Variants in UNC13B observed in about 807,000 individuals in gnomAD.
UNC13B encodes the protein unc-13 homolog B.
In UNC13B, 144 loss-of-function variants were observed where a neutral mutation model predicts 211.0. The ratio of observed to expected loss-of-function variants is 0.68; its 90% CI spans 0.60 to 0.78. UNC13B has a LOEUF of 0.78. Among genes scored for constraint, UNC13B ranks in the 30% least tolerant of loss-of-function variants. UNC13B has a pLI of 0.00. For missense variants in UNC13B, 1,777 were observed against 2,002.0 expected (o/e 0.89, Z 2.14); for synonymous variants, 709 against 725.8 (o/e 0.98, Z 0.37).
chr9:35,228,147 T>C, intron 2 of UNC13B, 103 bp downstream of exon 2: 2 of 1,047,308 alleles, frequency 1.9e-6, no homozygotes, highest in Non-Finnish European at 2.8e-6. Flanking sequence ...GTAATTTGAT[T>C]CATTACTTCA....
chr9:35,356,377 C>CT (rs1240462887), intron 11 of UNC13B, among the ~76,000 whole-genome samples: 1 of 151,998 alleles, frequency 6.6e-6, no homozygotes, highest in African/African-American at 2.4e-5. Flanking sequence ...TAGTTTTCAT[C>CT]TTTTTTTTCT....
chr9:35,234,573 G>A (rs1825388510), intron 3 of UNC13B, among the ~76,000 whole-genome samples: 1 of 152,104 alleles, frequency 6.6e-6, no homozygotes, highest in Admixed American at 6.5e-5. Context: ...GTAACTTAGT[G>A]GCTAGGCTTA....
chr9:35,173,299 G>T (rs1332911385), intron 1 of UNC13B, among the ~76,000 whole-genome samples: 1 of 152,062 alleles, frequency 6.6e-6, no homozygotes. Context: ...GGAAAGGGGG[G>T]TAAATGATAG....
Position 35,304,524 on chromosome 9 carries a change from A to T in UNC13B, c.5120A>T (p.Glu1707Val). The T allele has an allele frequency of 2.5e-6, 1 of 398,766 alleles. No homozygotes were observed. The highest frequency in any genetic ancestry group is 4.4e-6 in the Non-Finnish European group (1 of 225,908). 24.7% of individuals were successfully genotyped at this position (398,766 alleles called of 1,614,324 possible). Residue 1707 changes from glutamate (E) to valine (V), a missense_variant, in exon 9 of 40, where the codon GAA becomes GTA. Coordinates refer to ENST00000635942, the MANE Select transcript of UNC13B (RefSeq NM_001371189.2). ...IERDKNQPLA[E>V]DSSVHLSSFH... Reference sequence around the variant, plus strand: ...AGAGATAAAAACCAGCCTCTAGCTGAAGATTCATCAGTTCACCTTTCCAGT... The same window carrying T: ...AGAGATAAAAACCAGCCTCTAGCTGTAGATTCATCAGTTCACCTTTCCAGT...
chr9:35,394,225 TTCCAC>T (rs1382617084), intron 26 of UNC13B, among the ~76,000 whole-genome samples: 1 of 152,216 alleles, frequency 6.6e-6, no homozygotes, highest in East Asian at 1.9e-4. Flanking sequence ...GTGTACTCTG[TTCCAC>T]TTCAGCTGGA....
At chr9:35,380,261 G>T (rs1834731154) in intron 17 of UNC13B, among the ~76,000 whole-genome samples, 1 of 152,188 alleles carries the variant, frequency 6.6e-6, no homozygotes, top group Admixed American at 6.5e-5. Context: ...GAACTGTACA[G>T]TGGTAGATAG....
intron 1 of UNC13B, among the ~76,000 whole-genome samples, chr9:35,195,977 C>T (rs1335581158): frequency 6.6e-6 from 1 of 152,216 alleles, no homozygotes; most frequent in Non-Finnish European, 1.5e-5. Context: ...TACACATACA[C>T]ATATACATGC....
chr9:35,364,311 T>C lies in UNC13B; in HGVS notation c.9415-2636T>C, dbSNP rs1232859071. ...GGGTAGATTTTGTCCCTTGATTTAG[T>C]TTGGAACATCTCCAGGGATGTTCCA... On this transcript the variant is annotated intron_variant, in intron 11 of 39. Coordinates refer to ENST00000635942, the MANE Select transcript of UNC13B (RefSeq NM_001371189.2). Among the ~76,000 whole-genome samples, 5 of 130,576 alleles carry C rather than the reference T, an allele frequency of 3.8e-5. 1 individual carries two copies. Among genetic ancestry groups the C allele is most frequent in the African/African-American group, 2.3e-4 (5 of 21,468 alleles). The allele number at this position is 130,576 out of a possible 152,430, so 85.7% of individuals were successfully genotyped here.
At chr9:35,248,872 C>G (rs1213043614) in intron 6 of UNC13B, among the ~76,000 whole-genome samples, 1 of 152,146 alleles carries the variant, frequency 6.6e-6, no homozygotes, top group African/African-American at 2.4e-5. Context: ...TCTATTAGAT[C>G]TGCTTGGTGC....
chr9:35,284,694 C>T (rs1288298983), intron 7 of UNC13B, among the ~76,000 whole-genome samples: 1 of 152,160 alleles, frequency 6.6e-6, no homozygotes, highest in Non-Finnish European at 1.5e-5. Context: ...AGAAGTTCTA[C>T]AGTACTTACC....
intron 1 of UNC13B, among the ~76,000 whole-genome samples, chr9:35,194,832 C>T (rs376268995): frequency 6.6e-6 from 1 of 151,910 alleles, no homozygotes; most frequent in African/African-American, 2.4e-5. Flanking sequence ...ATTTAGGACA[C>T]GGACACATAC....
intron 12 of UNC13B, among the ~76,000 whole-genome samples, chr9:35,369,499 T>C (rs1292592414): frequency 1.3e-5 from 2 of 152,228 alleles, no homozygotes; most frequent in Admixed American, 6.5e-5. Context: ...ACATTTTCTG[T>C]TTTTATTGCA....
At chr9:35,217,403 T>G (rs1824311344) in intron 1 of UNC13B, among the ~76,000 whole-genome samples, 1 of 151,410 alleles carries the variant, frequency 6.6e-6, no homozygotes, top group South Asian at 2.1e-4. Context: ...TTTGTTTTTT[T>G]TTTTTTTGAG....
chr9:35,251,670 T>TA (rs546887353), intron 6 of UNC13B, among the ~76,000 whole-genome samples: 14 of 151,182 alleles, frequency 9.3e-5, no homozygotes, highest in African/African-American at 1.7e-4. Flanking sequence ...TACTTTTTTT[T>TA]AAAAAAAAAC....
At chr9:35,360,845 T>C (rs1374294315) in intron 11 of UNC13B, 1 of 152,124 alleles carries the variant, frequency 6.6e-6, no homozygotes, top group Non-Finnish European at 1.5e-5. Context: ...AGCTATTTTT[T>C]TCATGTTTTG....
chr9:35,355,938 C>A (rs1564160670), intron 11 of UNC13B, among the ~76,000 whole-genome samples: 1 of 152,204 alleles, frequency 6.6e-6, no homozygotes. Context: ...TCTAACTCTT[C>A]AGCTTGCAGA....
intron 7 of UNC13B, among the ~76,000 whole-genome samples, chr9:35,278,183 A>G (rs1184712515): frequency 6.6e-6 from 1 of 152,226 alleles, no homozygotes; most frequent in Non-Finnish European, 1.5e-5. Context: ...TTGGCCTTCA[A>G]AAAGCCAAGA....
intron 15 of UNC13B, 37 bp from the exon 16 acceptor site, chr9:35,377,431 C>T: frequency 1.2e-6 from 2 of 1,606,896 alleles, no homozygotes; most frequent in Non-Finnish European, 1.7e-6. Flanking sequence ...AACCCTTGGT[C>T]TGGTAGGTGA....
intron 6 of UNC13B, among the ~76,000 whole-genome samples, chr9:35,247,998 T>C (rs1826206757): frequency 6.6e-6 from 1 of 152,170 alleles, no homozygotes; most frequent in Non-Finnish European, 1.5e-5. Context: ...CTTTTTTTGG[T>C]TGGTAAGCTA....
Sources: allele counts gnomAD v4.1 joint callset (sites outside exome capture counted in the v4.1 genomes callset), GRCh38; gene constraint gnomAD v4.1.1; transcripts MANE v1.5; gene names NCBI Gene and HGNC (gene_info 2026-07-23, HGNC 2026-07-21).